The following DLGAP2 variants were observed in gnomAD, a reference collection of about 807,000 sequenced individuals.
The protein encoded by DLGAP2 is disks large-associated protein 2.
Under a neutral mutation model 100.3 loss-of-function variants are expected in DLGAP2, and 26 were observed. The ratio of observed to expected loss-of-function variants is 0.26; its 90% CI spans 0.19 to 0.36. DLGAP2 has a LOEUF of 0.36. Ranked by LOEUF, DLGAP2 falls within the 10% of genes least tolerant of loss-of-function variation. The probability of loss-of-function intolerance (pLI) is 1.00; values close to 1 mark genes in which losing one functional copy is unlikely to be tolerated. For missense variants in DLGAP2, 1,858 were observed against 1,453.2 expected (o/e 1.28, Z -4.53); for synonymous variants, 886 against 630.1 (o/e 1.41, Z -6.08).
At chr8:1,229,398 G>T (rs1171536499) in intron 2 of DLGAP2, among the ~76,000 whole-genome samples, 2 of 151,596 alleles carry the variant, frequency 1.3e-5, no homozygotes, top group Non-Finnish European at 2.9e-5. Context: ...ATTCAGTTTT[G>T]GAACTTGATA....
At chr8:1,626,992 C>T in intron 7 of DLGAP2, 105 bp downstream of exon 7, 1 of 1,399,986 alleles carries the variant, frequency 7.1e-7, no homozygotes, top group Non-Finnish European at 9.6e-7. Flanking sequence ...TCCTGGTCAG[C>T]AGCACTTGGG....
In DLGAP2 at chr8:1,423,909, G is replaced by A. The variant is rs551942156; in HGVS notation, c.107-77457G>A. 4.4e-4 allele frequency among the ~76,000 whole-genome samples: 67 copies of A among 152,316 alleles called. No individual in the cohort carries two copies. The South Asian group carries it at 8.9e-3, about 20-fold the overall frequency. On this transcript the variant is annotated intron_variant, in intron 3 of 14. Coordinates refer to ENST00000637795, the MANE Select transcript of DLGAP2 (RefSeq NM_001346810.2). ...CATCAAGAAAGCAAAAATATCCCACGTTCAGAAGAACCCAAATGAGGAAGC... is the reference window on the plus strand; with the variant it reads ...CATCAAGAAAGCAAAAATATCCCACATTCAGAAGAACCCAAATGAGGAAGC...
intron 2 of DLGAP2, among the ~76,000 whole-genome samples, chr8:996,236 G>A (rs1014424199): frequency 2.0e-5 from 3 of 152,156 alleles, no homozygotes; most frequent in South Asian, 2.1e-4. Context: ...ACTTTTCTTT[G>A]ATTGTGAGAT....
At chr8:928,826 A>G (rs1399098372) in intron 2 of DLGAP2, among the ~76,000 whole-genome samples, 1 of 151,960 alleles carries the variant, frequency 6.6e-6, no homozygotes, top group Non-Finnish European at 1.5e-5. Flanking sequence ...GCCTGATTTC[A>G]CAGAGGAGGA....
intron 2 of DLGAP2, among the ~76,000 whole-genome samples, chr8:1,125,020 C>T (rs1006171840): frequency 2.0e-5 from 3 of 152,232 alleles, no homozygotes; most frequent in African/African-American, 7.2e-5. Flanking sequence ...CTCTGACTGT[C>T]CAGCACCTCC....
intron 2 of DLGAP2, among the ~76,000 whole-genome samples, chr8:1,212,184 C>G (rs889176181): frequency 1.3e-5 from 2 of 152,184 alleles, no homozygotes; most frequent in Non-Finnish European, 1.5e-5. Flanking sequence ...TCCCAAGAGC[C>G]TCATGTTCAT....
chr8:810,352 A>G (rs1015478420), intron 1 of DLGAP2, among the ~76,000 whole-genome samples: 1 of 152,234 alleles, frequency 6.6e-6, no homozygotes, highest in African/African-American at 2.4e-5. Flanking sequence ...TATTAAGGAA[A>G]ATATAGGGTA....
At chr8:1,681,478 A>C (rs1020687924) in intron 12 of DLGAP2, among the ~76,000 whole-genome samples, 1 of 151,386 alleles carries the variant, frequency 6.6e-6, no homozygotes, top group South Asian at 2.1e-4. Context: ...ACCAAAAAAA[A>C]TAATAATAAT....
chr8:1,075,391 G>A (rs1033438353), intron 2 of DLGAP2, among the ~76,000 whole-genome samples: 1 of 152,118 alleles, frequency 6.6e-6, no homozygotes. Flanking sequence ...TTCTGGAAGC[G>A]GCTGGTCAGG....
chr8:828,160 C>T (rs1187334919), intron 1 of DLGAP2, among the ~76,000 whole-genome samples: 3 of 152,326 alleles, frequency 2.0e-5, no homozygotes, highest in Non-Finnish European at 4.4e-5. Context: ...TTGGGCACCA[C>T]TGTCATTGAT....
intron 4 of DLGAP2, among the ~76,000 whole-genome samples, chr8:1,507,320 C>T (rs981508209): frequency 1.4e-4 from 21 of 151,630 alleles, no homozygotes; most frequent in African/African-American, 4.9e-4. Flanking sequence ...AGCTGAGGCC[C>T]GGGGAGATTT....
chr8:1,475,988 G>C (rs561941886), intron 3 of DLGAP2, among the ~76,000 whole-genome samples: 36 of 152,074 alleles, frequency 2.4e-4, no homozygotes, highest in Non-Finnish European at 4.9e-4. Flanking sequence ...AATTTTGCTG[G>C]AGGCAGAGCT....
At chr8:1,589,089 C>T (rs1463190878) in intron 6 of DLGAP2, among the ~76,000 whole-genome samples, 2 of 152,170 alleles carry the variant, frequency 1.3e-5, no homozygotes. Context: ...TGTATGAATG[C>T]ACAGTAATCC....
chr8:1,049,429 G>A (rs1414457533), intron 2 of DLGAP2, among the ~76,000 whole-genome samples: 1 of 152,038 alleles, frequency 6.6e-6, no homozygotes, highest in Non-Finnish European at 1.5e-5. Context: ...GCCACTGTTG[G>A]AATGTTTCTT....
intron 1 of DLGAP2, among the ~76,000 whole-genome samples, chr8:740,918 T>A (rs1391892447): frequency 6.6e-6 from 1 of 152,182 alleles, no homozygotes; most frequent in African/African-American, 2.4e-5. Context: ...ATAACTATGA[T>A]TCATCATTTT....
At chr8:1,042,868 G>A (rs868378723) in intron 2 of DLGAP2, among the ~76,000 whole-genome samples, 17 of 82,954 alleles carry the variant, frequency 2.0e-4, no homozygotes, top group Non-Finnish European at 1.9e-4. Flanking sequence ...TGGGTGGTGG[G>A]TGTGGGTGGT....
At chr8:1,211,132 G>A (rs185334269) in intron 2 of DLGAP2, among the ~76,000 whole-genome samples, 154 of 152,336 alleles carry the variant, frequency 1.0e-3, no homozygotes, top group Non-Finnish European at 1.5e-3. Flanking sequence ...ACAATGTTCC[G>A]TGGTTTTGCA....
At chr8:1,155,044 C>T (rs976830984) in intron 2 of DLGAP2, among the ~76,000 whole-genome samples, 1 of 152,206 alleles carries the variant, frequency 6.6e-6, no homozygotes, top group Non-Finnish European at 1.5e-5. Flanking sequence ...TCGCAGGCCT[C>T]TGCCTGGGCA....
At chr8:897,636 C>T (rs1195792603) in intron 1 of DLGAP2, among the ~76,000 whole-genome samples, 1 of 152,204 alleles carries the variant, frequency 6.6e-6, no homozygotes, top group Non-Finnish European at 1.5e-5. Flanking sequence ...CCCCCTGCAT[C>T]TTCTGTTCCC....
Sources: gnomAD v4.1 joint callset for allele counts (sites outside exome capture counted in the v4.1 genomes callset) on GRCh38, gnomAD v4.1.1 for gene constraint, MANE v1.5 for transcripts, NCBI Gene and HGNC (gene_info 2026-07-23, HGNC 2026-07-21) for gene names.